Variants in ZMYM4 observed in about 807,000 individuals in gnomAD.
ZMYM4 encodes the protein zinc finger MYM-type protein 4.
Under a neutral mutation model 183.2 loss-of-function variants are expected in ZMYM4, and 31 were observed. The observed-to-expected ratio is 0.17, with a 90% CI of 0.13 to 0.23. The LOEUF (loss-of-function observed/expected upper bound fraction) is 0.23. ZMYM4 is among the 10% of genes least tolerant of loss of function. ZMYM4 has a pLI of 1.00. For missense variants in ZMYM4, 1,273 were observed against 1,840.3 expected (o/e 0.69, Z 5.64); for synonymous variants, 592 against 631.2 (o/e 0.94, Z 0.93).
In ZMYM4 at chr1:35,361,631, C is replaced by G. The variant is rs1643938390; in HGVS notation, c.682C>G (p.Pro228Ala). 1 of 1,611,510 alleles carries G rather than the reference C, an allele frequency of 6.2e-7. No homozygotes were observed. The highest frequency in any genetic ancestry group is 8.5e-7 in the Non-Finnish European group (1 of 1,179,316). The change falls in exon 5 of 30, where the codon CCA (proline) becomes GCA (alanine). Residue 228 changes from proline to alanine, a missense_variant. Transcript: ENST00000314607. Reference protein sequence around the residue: ...PETNFRDSSYPFANKESIGSE... With the variant: ...PETNFRDSSYAFANKESIGSE... ...TATTGTGTTTTAGGATTCCAGCTAC[C>G]CATTTGCCAATAAAGAATCCATTGG... is the stretch of plus-strand genomic sequence containing the variant.
intron 1 of ZMYM4, among the ~76,000 whole-genome samples, chr1:35,305,253 T>C (rs1165611317): frequency 6.6e-6 from 1 of 152,240 alleles, no homozygotes; most frequent in Admixed American, 6.5e-5. Flanking sequence ...TGTGTCTTAC[T>C]TGTTTTTTTG....
At position 35,295,941 on chromosome 1, in the gene ZMYM4, A is replaced by T. The variant is rs1215948689; in HGVS notation, c.39+26856A>T. 3 of 152,328 alleles carry T rather than the reference A, an allele frequency of 2.0e-5. No homozygotes were observed. In the East Asian group the frequency reaches 5.8e-4, roughly 29 times the overall value. 9.4% of individuals were successfully genotyped at this position (152,328 alleles called of 1,614,324 possible). On this transcript the variant is annotated intron_variant, in intron 1 of 29. Transcript: ENST00000314607. ...TTCATTCCTAGGAACATCGTGATCAATTAGCCACTGCCAAAGATCCCTGCT... is the reference window on the plus strand; with the variant it reads ...TTCATTCCTAGGAACATCGTGATCATTTAGCCACTGCCAAAGATCCCTGCT...
At chr1:35,382,143 C>G (rs532613271) in intron 9 of ZMYM4, among the ~76,000 whole-genome samples, 1 of 141,168 alleles carries the variant, frequency 7.1e-6, no homozygotes, top group Non-Finnish European at 1.5e-5. Context: ...GAAACTCCGT[C>G]TCAAAAAAAA....
chr1:35,325,799 CA>C (rs1642479209), intron 2 of ZMYM4, among the ~76,000 whole-genome samples: 1 of 151,932 alleles, frequency 6.6e-6, no homozygotes, highest in African/African-American at 2.4e-5. Context: ...TTCAATTTTA[CA>C]ATACAGAAAT....
rs766907360 is a variant in ZMYM4 at position 35,396,596 on chromosome 1, G to A, written c.2956G>A (p.Val986Ile). ...CCAGATTATTGTGGTGCCAGTTCCC[G>A]TACCAGTGTTTGTTCCCATACCTCT... ...QPQIIVVPVPVPVFVPIPLHL... is the reference protein window; with the variant it reads ...QPQIIVVPVPIPVFVPIPLHL... Residue 986 changes from valine (V) to isoleucine (I), a missense_variant, in exon 19 of 30, where the codon GTA becomes ATA. Val to Ile is a conservative substitution (Grantham distance 29, BLOSUM62 3). Coordinates refer to ENST00000314607, the MANE Select transcript of ZMYM4 (RefSeq NM_005095.3). 14 of 1,613,730 alleles carry A rather than the reference G, an allele frequency of 8.7e-6. No individual in the cohort carries two copies. The highest frequency in any genetic ancestry group is 1.7e-5 in the Admixed American group (1 of 60,022).
At chr1:35,318,500 C>T (rs758707213) in intron 1 of ZMYM4, among the ~76,000 whole-genome samples, 18 of 152,286 alleles carry the variant, frequency 1.2e-4, no homozygotes, top group Middle Eastern at 6.8e-3. Flanking sequence ...CTCTGTCACC[C>T]AGGCTGGAGT....
At chr1:35,374,559 G>A (rs924322074) in intron 7 of ZMYM4, among the ~76,000 whole-genome samples, 1 of 151,734 alleles carries the variant, frequency 6.6e-6, no homozygotes, top group Admixed American at 6.6e-5. Context: ...CACCTACTCA[G>A]GAGGCTGAGG....
At chr1:35,386,920 G>T (rs615315) in intron 11 of ZMYM4, 83 bp from the exon 12 acceptor site, 225,805 of 1,433,828 alleles carry the variant, frequency 0.16, 34,239 homozygotes, top group African/African-American at 0.66. Flanking sequence ...TGCCTAGAAC[G>T]GTGCTTGGCA....
At chr1:35,362,624 A>G (rs894741106) in intron 5 of ZMYM4, among the ~76,000 whole-genome samples, 6 of 151,982 alleles carry the variant, frequency 3.9e-5, no homozygotes, top group South Asian at 2.1e-4. Context: ...ATATTTTCCT[A>G]TCTTTCTGTT....
At chr1:35,376,296 A>T (rs1644332343) in intron 7 of ZMYM4, among the ~76,000 whole-genome samples, 1 of 152,154 alleles carries the variant, frequency 6.6e-6, no homozygotes, top group Non-Finnish European at 1.5e-5. Context: ...ATCTAATTGG[A>T]CTCTAAGCAT....
At chr1:35,306,679 T>C (rs1238397566) in intron 1 of ZMYM4, among the ~76,000 whole-genome samples, 2 of 152,214 alleles carry the variant, frequency 1.3e-5, no homozygotes, top group Non-Finnish European at 2.9e-5. Context: ...GTTGGGCATA[T>C]ATGGTCCTGA....
chr1:35,352,423 C>G (rs1334760650), intron 2 of ZMYM4, among the ~76,000 whole-genome samples: 2 of 151,246 alleles, frequency 1.3e-5, no homozygotes, highest in East Asian at 1.9e-4. Flanking sequence ...CACACACACA[C>G]AGCCAAAGTC....
Position 35,397,554 on chromosome 1 carries a change from A to C in ZMYM4, c.3199+9A>C. ...GACTCTATCTCAGGGAGGTTGGTATACTCTTTAAAAGTAAAGAAAGAAAAA... is the reference window on the plus strand; with the variant it reads ...GACTCTATCTCAGGGAGGTTGGTATCCTCTTTAAAAGTAAAGAAAGAAAAA... On this transcript the variant is annotated intron_variant, in intron 20 of 29. Coordinates refer to ENST00000314607, the MANE Select transcript of ZMYM4 (RefSeq NM_005095.3). 1 of 1,586,518 alleles carries C rather than the reference A, an allele frequency of 6.3e-7. No homozygotes were observed.
chr1:35,309,575 C>G (rs1641697429), intron 1 of ZMYM4, among the ~76,000 whole-genome samples: 2 of 152,218 alleles, frequency 1.3e-5, no homozygotes, highest in Admixed American at 1.3e-4. Context: ...CCTGTCTCAT[C>G]TATCTCTTTA....
At chr1:35,354,329 C>T (rs555552940) in intron 2 of ZMYM4, among the ~76,000 whole-genome samples, 1 of 152,154 alleles carries the variant, frequency 6.6e-6, no homozygotes, top group Non-Finnish European at 1.5e-5. Flanking sequence ...ATTAAGTTAG[C>T]CTCACTGATG....
chr1:35,418,663 C>T, intron 29 of ZMYM4, 91 bp downstream of exon 29: 1 of 1,531,122 alleles, frequency 6.5e-7, no homozygotes. Context: ...AAGTAGCTTG[C>T]CCGTGGCTTT....
At chr1:35,319,062 T>C (rs1414219149) in intron 1 of ZMYM4, among the ~76,000 whole-genome samples, 1 of 152,120 alleles carries the variant, frequency 6.6e-6, no homozygotes, top group African/African-American at 2.4e-5. Context: ...GTATTTTCAG[T>C]AGAGACAGGG....
At chr1:35,282,979 GGTTTTTTTTTTTTTTT>G (rs1299533476) in intron 1 of ZMYM4, among the ~76,000 whole-genome samples, 2 of 43,274 alleles carry the variant, frequency 4.6e-5, no homozygotes, top group East Asian at 4.1e-4. Flanking sequence ...CTGTGTGTGT[GGTTTTTTTTTTTTTTT>G]TTTTTTTTTT....
At chr1:35,291,714 T>G (rs1003354020) in intron 1 of ZMYM4, among the ~76,000 whole-genome samples, 3 of 150,918 alleles carry the variant, frequency 2.0e-5, no homozygotes, top group Non-Finnish European at 1.5e-5. Flanking sequence ...CTCAGCTCAC[T>G]GCAACCTATG....
Sources: allele counts gnomAD v4.1 joint callset (sites outside exome capture counted in the v4.1 genomes callset), GRCh38; gene constraint gnomAD v4.1.1; transcripts MANE v1.5; gene names NCBI Gene and HGNC (gene_info 2026-07-23, HGNC 2026-07-21).